LIPE: variants seen among roughly 807,000 people sequenced by gnomAD.
The protein encoded by LIPE is lipase E, hormone sensitive type.
In LIPE, 66 loss-of-function variants were observed where a neutral mutation model predicts 88.5. The ratio of observed to expected loss-of-function variants is 0.75; its 90% CI spans 0.61 to 0.91. LIPE has a LOEUF of 0.91. LIPE is among the 40% of genes least tolerant of loss of function. LIPE has a pLI of 0.00. For synonymous variants in LIPE, 570 were observed against 617.5 expected, an observed-to-expected ratio of 0.92 and a Z score of 1.14; for missense variants, 1,346 against 1,434.7, an observed-to-expected ratio of 0.94 and a Z score of 1.00.
chr19:42,410,298 G>A lies in LIPE; in HGVS notation c.1419+9C>T. ...GTGGGCCCAGAGGGGCACGGGGCAG[G>A]GGGCTCACCTGGAAGCCCAGGCAGC... is the stretch of plus-strand genomic sequence containing the variant. On this transcript the variant is annotated intron_variant, in intron 2 of 9. Coordinates refer to ENST00000244289, the MANE Select transcript of LIPE (RefSeq NM_005357.4). This position sits in a 1 kb window ranked among gnomAD's most constrained non-coding sequence, Gnocchi z 6.1. 8 of 1,557,606 alleles carry A rather than the reference G, an allele frequency of 5.1e-6. No individual in the cohort carries two copies. Among genetic ancestry groups the A allele is most frequent in the Non-Finnish European group, 6.1e-6 (7 of 1,149,874 alleles).
In LIPE at chr19:42,407,401, G is replaced by A. The variant is rs780097539; in HGVS notation, c.1910C>T (p.Pro637Leu). The A allele has an allele frequency of 1.2e-6, 2 of 1,613,692 alleles. No individual in the cohort carries two copies. The highest frequency in any genetic ancestry group is 1.7e-6 in the Non-Finnish European group (2 of 1,179,850). Reference sequence around the variant, plus strand: ...GGACCGCGAGCGGGGTGCCTGCTGGGGGCGCGGCCACAGCTCCAGGCTCCG... The same window carrying A: ...GGACCGCGAGCGGGGTGCCTGCTGGAGGCGCGGCCACAGCTCCAGGCTCCG... ...GQRSLELWPR[P>L]QQAPRSRSLI... The change falls in exon 6 of 10, where the codon CCC becomes CTC. Residue 637 changes from proline to leucine, a missense_variant. By Grantham distance (98) the Pro-to-Leu change is moderately conservative. Transcript: ENST00000244289. The surrounding 1 kb of genome is among the most constrained non-coding windows in gnomAD (Gnocchi z 5.8).
At position 42,407,648 on chromosome 19, in the gene LIPE, G is replaced by A. The variant is rs1248564880; in HGVS notation, c.1800C>T (p.Pro600=). ...SPPLAHTGPG[P]VLVRLISYDL... is the part of the protein sequence containing the mutation. The stretch of plus-strand genomic sequence containing the variant: ...CATAGGAGATGAGCCTGACGAGGAC[G>A]GGCCCAGGGCCTGTGTGGGCCAGTG... The change falls in exon 5 of 10, where the codon CCC becomes CCT. Residue 600 remains proline (P), a synonymous_variant. Coordinates refer to ENST00000244289, the MANE Select transcript of LIPE (RefSeq NM_005357.4). This position sits in a 1 kb window ranked among gnomAD's most constrained non-coding sequence, Gnocchi z 5.8. The A allele has an allele frequency of 3.1e-6, 5 of 1,610,722 alleles. No homozygotes were observed. The Admixed American group carries it at 5.0e-5, about 16-fold the overall frequency.
rs2040726310 is a variant in LIPE, at chr19:42,427,337, C to T, written c.-188G>A. 2 of 1,101,304 alleles carry T rather than the reference C, an allele frequency of 1.8e-6. No individual in the cohort carries two copies. The highest frequency in any genetic ancestry group is 2.7e-5 in the East Asian group (1 of 37,098). The allele number at this position is 1,101,304 out of a possible 1,614,324, so 68.2% of individuals were successfully genotyped here. ...GGCAGTTGGCCGATCACAGCTGGCCCCCACTAAGTAATGAACTCTGTGCCT... is the reference window on the plus strand; with the variant it reads ...GGCAGTTGGCCGATCACAGCTGGCCTCCACTAAGTAATGAACTCTGTGCCT... On this transcript the variant is annotated 5_prime_UTR_variant, in exon 1 of 10. Coordinates refer to ENST00000244289, the MANE Select transcript of LIPE (RefSeq NM_005357.4).
Position 42,407,906 on chromosome 19 carries a change from C to A in LIPE, c.1656+70G>T. On this transcript the variant is annotated intron_variant, in intron 4 of 9. Transcript: ENST00000244289. This position sits in a 1 kb window ranked among gnomAD's most constrained non-coding sequence, Gnocchi z 5.8. ...GTGTGCCATCCCTGGGCCTGGAGCC[C>A]CACAGAGACCTACTGTGGCCTCAGA... The A allele has an allele frequency of 1.9e-6, 3 of 1,578,108 alleles. No individual in the cohort carries two copies. The highest frequency in any genetic ancestry group is 2.6e-6 in the Non-Finnish European group (3 of 1,163,094).
At chr19:42,423,626 C>T in intron 1 of LIPE, 3 of 1,179,158 alleles carry the variant, frequency 2.5e-6, no homozygotes, top group African/African-American at 1.6e-5. Context: ...CTGTCGGGCC[C>T]CCCTATTACC....
chr19:42,424,507 G>T (rs528899428), intron 1 of LIPE: 1 of 456,336 alleles, frequency 2.2e-6, no homozygotes, highest in African/African-American at 2.0e-5. Context: ...CTCAGCACTG[G>T]GGAGAGCAGG....
chr19:42,406,310 G>C lies in LIPE; in HGVS notation c.2216C>G (p.Ala739Gly). Residue 739 changes from alanine (A) to glycine (G), a missense_variant, in exon 7 of 10, where the codon GCA becomes GGA. Transcript: ENST00000244289. This position sits in a 1 kb window ranked among gnomAD's most constrained non-coding sequence, Gnocchi z 5.7. ...NLCFTVALRA[A>G]AYGVRVPDGI... ...ATCTGGCACCCGCACCCCGTAGGCT[G>C]CTGCCCGAAGAGCCACGGTGAAGCA... 6.2e-7 allele frequency: 1 copy of C among 1,614,142 alleles called. No individual in the cohort carries two copies. The highest frequency in any genetic ancestry group is 1.1e-5 in the South Asian group (1 of 91,078).
Position 42,401,819 on chromosome 19 carries a change from C to T in LIPE, c.3224G>A (p.Arg1075Gln). ...GATGGGAACAACAGGCTTTTAGTGT[C>T]GCCCCCCGCAGCCCCCGTCTACCCC... ...AAGVDGGCGG[R>Q]H The change falls in exon 10 of 10, where the codon CGA (arginine) becomes CAA (glutamine). Residue 1075 changes from arginine (R) to glutamine (Q), a missense_variant. Transcript: ENST00000244289. The T allele has an allele frequency of 6.7e-7, 1 of 1,488,972 alleles. No homozygotes were observed. Among genetic ancestry groups the T allele is most frequent in the Non-Finnish European group, 8.9e-7 (1 of 1,123,288 alleles). 92.2% of individuals were successfully genotyped at this position (1,488,972 alleles called of 1,614,324 possible). A position where few individuals can be genotyped will look rare whatever the true frequency, so the allele number is the denominator to read the frequency against.
chr19:42,403,064 G>A (rs755132511), intron 8 of LIPE, 33 bp from the exon 9 acceptor site: 1 of 1,504,936 alleles, frequency 6.6e-7, no homozygotes, highest in Non-Finnish European at 8.9e-7. Flanking sequence ...GCCTGGCTCC[G>A]TTAGTTTGGT....
rs1474186375 is a variant in LIPE, at chr19:42,407,070, G to C, written c.2137+104C>G. The C allele has an allele frequency of 8.9e-6, 9 of 1,010,378 alleles. No homozygotes were observed. The highest frequency in any genetic ancestry group is 1.6e-5 in the African/African-American group (1 of 61,188). 62.6% of individuals were successfully genotyped at this position (1,010,378 alleles called of 1,614,324 possible). Reference sequence around the variant, plus strand: ...GGGTGAGCAGGAGCTGGGAGGTGTGGGGGGAGAGAAAGGTAGAGGGTGTGA... The same window carrying C: ...GGGTGAGCAGGAGCTGGGAGGTGTGCGGGGAGAGAAAGGTAGAGGGTGTGA... On this transcript the variant is annotated intron_variant, in intron 6 of 9. Coordinates refer to ENST00000244289, the MANE Select transcript of LIPE (RefSeq NM_005357.4). This position sits in a 1 kb window ranked among gnomAD's most constrained non-coding sequence, Gnocchi z 5.8.
chr19:42,417,495 C>A (rs1055384952), intron 1 of LIPE, among the ~76,000 whole-genome samples: 4 of 151,916 alleles, frequency 2.6e-5, no homozygotes, highest in African/African-American at 9.7e-5. Context: ...GAATTCCAGG[C>A]CTCAAGAGAT....
chr19:42,403,952 A>G (rs961195768), intron 8 of LIPE, among the ~76,000 whole-genome samples: 2 of 152,222 alleles, frequency 1.3e-5, no homozygotes, highest in African/African-American at 2.4e-5. Flanking sequence ...AAACGATGCT[A>G]AAGATACACT....
intron 1 of LIPE, among the ~76,000 whole-genome samples, chr19:42,418,581 A>G (rs1244474864): frequency 5.3e-5 from 8 of 152,140 alleles, no homozygotes; most frequent in Non-Finnish European, 1.2e-4. Context: ...TGGGAGGTCA[A>G]AGCAGGAGGC....
intron 1 of LIPE, chr19:42,423,737 C>T (rs1156995225): frequency 2.5e-5 from 28 of 1,132,776 alleles, no homozygotes; most frequent in Non-Finnish European, 3.1e-5. Context: ...TAAGATCTGG[C>T]TCCGCCCCCT....
At position 42,427,083 on chromosome 19, in the gene LIPE, T is replaced by C. The variant is rs773265305; in HGVS notation, c.67A>G (p.Thr23Ala). 3.7e-6 allele frequency: 6 copies of C among 1,613,802 alleles called. No homozygotes were observed. The South Asian group carries it at 6.6e-5, about 18-fold the overall frequency. ...WQPEPHQRPI[T>A]PLEPGPEKTP... ...TTTTCTGGCCCAGGCTCTAGCGGGGTTATAGGCCTCTGGTGTGGTTCAGGT... is the reference window on the plus strand; with the variant it reads ...TTTTCTGGCCCAGGCTCTAGCGGGGCTATAGGCCTCTGGTGTGGTTCAGGT... The change falls in exon 1 of 10, where the codon ACC becomes GCC. Residue 23 changes from threonine (T) to alanine (A), a missense_variant. Thr to Ala is a moderately conservative substitution (Grantham distance 58). Transcript: ENST00000244289.
chr19:42,403,116 G>C, intron 8 of LIPE, 85 bp from the exon 9 acceptor site: 1 of 1,325,226 alleles, frequency 7.5e-7, no homozygotes, highest in South Asian at 1.4e-5. Context: ...AAGGGCAGTC[G>C]CCTGTGGAGC....
intron 8 of LIPE, among the ~76,000 whole-genome samples, chr19:42,403,436 TA>T (rs2147569038): frequency 6.6e-6 from 1 of 151,430 alleles, no homozygotes; most frequent in Admixed American, 6.6e-5. Flanking sequence ...CTGGGGATCA[TA>T]ATATATCGTT....
intron 1 of LIPE, among the ~76,000 whole-genome samples, 156 bp downstream of exon 1, chr19:42,426,101 CTTTTTTTTTT>C (rs1030833973): frequency 9.6e-6 from 1 of 104,122 alleles, no homozygotes. Flanking sequence ...TGCGCCCAGC[CTTTTTTTTTT>C]TTTTTTTTTT....
chr19:42,407,611 C>T lies in LIPE; in HGVS notation c.1837G>A (p.Gly613Arg), dbSNP rs2040229516. 2.5e-6 allele frequency: 4 copies of T among 1,606,928 alleles called. No individual in the cohort carries two copies. Among genetic ancestry groups the T allele is most frequent in the Non-Finnish European group, 2.6e-6 (3 of 1,175,854 alleles). The change falls in exon 5 of 10, where the codon GGA (glycine) becomes AGA (arginine). Residue 613 changes from glycine (G) to arginine (R), a missense_variant. By Grantham distance (125) the Gly-to-Arg change is moderately radical (BLOSUM62 -2). Coordinates refer to ENST00000244289, the MANE Select transcript of LIPE (RefSeq NM_005357.4). This position sits in a 1 kb window ranked among gnomAD's most constrained non-coding sequence, Gnocchi z 5.8. ...GGCTGAGGCTGGAACCCTACCTGTC[C>T]TTCACGCAGGTCATAGGAGATGAGC... Reference protein sequence around the residue: ...VRLISYDLREGQDSEELSSLI... With the variant: ...VRLISYDLRERQDSEELSSLI...
Sources: allele counts gnomAD v4.1 joint callset (sites outside exome capture counted in the v4.1 genomes callset), GRCh38; gene constraint gnomAD v4.1.1; non-coding constraint Gnocchi (gnomAD v3.1); transcripts MANE v1.5; gene names NCBI Gene and HGNC (gene_info 2026-07-23, HGNC 2026-07-21).